SLC29A3: variants seen among roughly 807,000 people sequenced by gnomAD.
SLC29A3 encodes the protein equilibrative nucleoside transporter 3.
SLC29A3 carries 18 observed loss-of-function variants against 25.4 expected under a neutral mutation model. The observed-to-expected ratio is 0.71, with a 90% CI of 0.49 to 1.05. The LOEUF (loss-of-function observed/expected upper bound fraction) is 1.05. Among genes scored for constraint, SLC29A3 ranks in the 50% least tolerant of loss-of-function variants. SLC29A3 has a pLI of 0.00. For synonymous variants in SLC29A3, 258 were observed against 267.1 expected (o/e 0.97, Z 0.33); for missense variants, 586 against 609.0 (o/e 0.96, Z 0.40).
chr10:71,326,590 G>A (rs1362853241), intron 2 of SLC29A3, among the ~76,000 whole-genome samples: 1 of 152,232 alleles, frequency 6.6e-6, no homozygotes, highest in African/African-American at 2.4e-5. Flanking sequence ...GATTGCGTGT[G>A]CACCTGCCCT....
intron 2 of SLC29A3, among the ~76,000 whole-genome samples, chr10:71,335,515 C>T (rs1846224850): frequency 6.6e-6 from 1 of 152,102 alleles, no homozygotes; most frequent in Non-Finnish European, 1.5e-5. Context: ...GGAACTTGAG[C>T]AAAGGCGTGG....
intron 3 of SLC29A3, among the ~76,000 whole-genome samples, chr10:71,374,346 G>A (rs926665343): frequency 3.3e-5 from 5 of 152,138 alleles, no homozygotes; most frequent in Non-Finnish European, 4.4e-5. Context: ...CAGGACATGC[G>A]TGACAGATGA....
chr10:71,341,663 T>A (rs1405995772), intron 2 of SLC29A3, among the ~76,000 whole-genome samples: 1 of 152,170 alleles, frequency 6.6e-6, no homozygotes, highest in African/African-American at 2.4e-5. Context: ...ATACTACAAA[T>A]GAGTGGCTTA....
chr10:71,364,726 A>G (rs1376242186), downstream of SLC29A3: 2 of 152,266 alleles, frequency 1.3e-5, no homozygotes, highest in Admixed American at 6.5e-5. Context: ...GTCTCAGCCT[A>G]GTACACATTC....
intron 4 of SLC29A3, among the ~76,000 whole-genome samples, chr10:71,355,290 C>T (rs752347239): frequency 1.3e-5 from 2 of 152,178 alleles, no homozygotes; most frequent in African/African-American, 2.4e-5. Context: ...CGTTGGCACC[C>T]GAGTAGGTCG....
intron 4 of SLC29A3, among the ~76,000 whole-genome samples, chr10:71,355,877 C>G (rs1706268036): frequency 6.6e-6 from 1 of 152,184 alleles, no homozygotes; most frequent in Non-Finnish European, 1.5e-5. Flanking sequence ...GGAAAATGAC[C>G]CCCTTGGAAA....
chr10:71,363,777 T>G (rs1847130572), downstream of SLC29A3, among the ~76,000 whole-genome samples: 1 of 148,296 alleles, frequency 6.7e-6, no homozygotes. Context: ...CCAGCCTAAT[T>G]TGAGGATTTT....
intron 2 of SLC29A3, among the ~76,000 whole-genome samples, chr10:71,340,993 G>A (rs565045769): frequency 1.9e-4 from 29 of 152,180 alleles, no homozygotes; most frequent in East Asian, 7.7e-4. Flanking sequence ...CAGCACACAC[G>A]GAACACCTTG....
intron 2 of SLC29A3, among the ~76,000 whole-genome samples, chr10:71,327,031 G>A (rs972510375): frequency 2.0e-5 from 3 of 152,212 alleles, no homozygotes; most frequent in Non-Finnish European, 4.4e-5. Context: ...CCTGTCACCT[G>A]AGGGCCACTT....
chr10:71,325,914 A>C (rs924541542), intron 2 of SLC29A3, among the ~76,000 whole-genome samples: 54 of 116,854 alleles, frequency 4.6e-4, no homozygotes, highest in African/African-American at 1.8e-3. Flanking sequence ...CTATATTAGT[A>C]CTTTTTTTTT....
At chr10:71,379,932 C>G (rs1194605609) in exon 5 of SLC29A3, 1 of 152,226 alleles carries the variant, frequency 6.6e-6, no homozygotes, top group Non-Finnish European at 1.5e-5. Context: ...AGGTCCATCC[C>G]TATACCCTCC....
At chr10:71,377,461 C>T (rs1199374936) in intron 4 of SLC29A3, among the ~76,000 whole-genome samples, 3 of 151,778 alleles carry the variant, frequency 2.0e-5, no homozygotes, top group South Asian at 2.1e-4. Context: ...AAACAGCCAC[C>T]GGCCACGAAA....
At chr10:71,321,262 G>T (rs1016218096) in intron 1 of SLC29A3, among the ~76,000 whole-genome samples, 4 of 152,156 alleles carry the variant, frequency 2.6e-5, no homozygotes, top group African/African-American at 9.7e-5. Flanking sequence ...ATGCTCTGAG[G>T]TTCTCCTGAA....
intron 5 of SLC29A3, among the ~76,000 whole-genome samples, chr10:71,360,719 C>A (rs1389737840): frequency 1.3e-5 from 2 of 152,146 alleles, no homozygotes; most frequent in Non-Finnish European, 2.9e-5. Flanking sequence ...TATACATGTG[C>A]AAGGATTTAT....
At chr10:71,356,033 C>A in intron 4 of SLC29A3, 48 bp from the exon 5 acceptor site, 3 of 1,608,916 alleles carry the variant, frequency 1.9e-6, no homozygotes, top group Non-Finnish European at 2.5e-6. Flanking sequence ...GCAGCCACTC[C>A]TCCTCGCCCA....
intron 2 of SLC29A3, among the ~76,000 whole-genome samples, chr10:71,340,883 C>T (rs374746087): frequency 9.2e-5 from 14 of 152,126 alleles, no homozygotes; most frequent in South Asian, 4.2e-4. Flanking sequence ...TCAGGGAGTG[C>T]GGTCCAGGGA....
chr10:71,337,821 C>G (rs974156245), intron 2 of SLC29A3, among the ~76,000 whole-genome samples: 5 of 152,232 alleles, frequency 3.3e-5, no homozygotes, highest in African/African-American at 1.2e-4. Context: ...CACGGAGCCT[C>G]TCAGTGTGGC....
Position 71,322,109 on chromosome 10 carries a change from T to A in SLC29A3, c.2-647T>A, listed in dbSNP as rs78130441. ...TAGTTCAAAATTCAAGAGACACAAA[T>A]AAGAATGCAGGGAAGTCCCCCTCCC... On this transcript the variant is annotated intron_variant, in intron 1 of 5. Transcript: ENST00000373189. Among the ~76,000 whole-genome samples the A allele has an allele frequency of 4.0e-3, 615 of 152,286 alleles. 21 individuals are homozygous for A. In the East Asian group the frequency reaches 0.076, roughly 19 times the overall value.
intron 3 of SLC29A3, among the ~76,000 whole-genome samples, chr10:71,346,009 T>C (rs777509254): frequency 6.6e-6 from 1 of 151,934 alleles, no homozygotes; most frequent in Non-Finnish European, 1.5e-5. Flanking sequence ...ATAGCAAGAG[T>C]GTAATGCCTC....
Sources: gnomAD v4.1 joint callset for allele counts (sites outside exome capture counted in the v4.1 genomes callset) on GRCh38, gnomAD v4.1.1 for gene constraint, MANE v1.5 for transcripts, NCBI Gene and HGNC (gene_info 2026-07-23, HGNC 2026-07-21) for gene names.